Variants in NRXN3 observed in about 807,000 individuals in gnomAD.
NRXN3 encodes neurexin III.
A neutral mutation model predicts 137.6 loss-of-function variants in NRXN3; 32 were observed. The ratio of observed to expected loss-of-function variants is 0.23; its 90% CI spans 0.18 to 0.31. The LOEUF (loss-of-function observed/expected upper bound fraction) is 0.31. Among genes scored for constraint, NRXN3 ranks in the 10% least tolerant of loss-of-function variants. The pLI is 1.00. For missense variants in NRXN3, 1,574 were observed against 2,062.5 expected, an observed-to-expected ratio of 0.76 and a Z score of 4.59; for synonymous variants, 798 against 784.5, an observed-to-expected ratio of 1.02 and a Z score of -0.29.
intron 16 of NRXN3, among the ~76,000 whole-genome samples, chr14:79,485,098 G>A (rs1403425753): frequency 6.6e-6 from 1 of 151,028 alleles, no homozygotes; most frequent in Non-Finnish European, 1.5e-5. Context: ...ATTTTTTTTG[G>A]TTGTTCTCTA....
chr14:78,822,830 C>T (rs1206213451), intron 10 of NRXN3, among the ~76,000 whole-genome samples: 1 of 152,134 alleles, frequency 6.6e-6, no homozygotes, highest in African/African-American at 2.4e-5. Context: ...CATATTGCCT[C>T]TGCCACTTGT....
intron 19 of NRXN3, among the ~76,000 whole-genome samples, chr14:79,791,468 AATTATATATTGTAATAATT>A (rs1186004122): frequency 2.0e-5 from 3 of 146,928 alleles, no homozygotes; most frequent in African/African-American, 7.4e-5. Context: ...TTATAATAAT[AATTATATATTGTAATAATT>A]ATAATTAATT....
At chr14:79,222,836 G>A (rs1035232489) in intron 15 of NRXN3, among the ~76,000 whole-genome samples, 3 of 152,100 alleles carry the variant, frequency 2.0e-5, no homozygotes, top group African/African-American at 7.2e-5. Context: ...TGGGTGAGGT[G>A]TGTGTTCAGA....
intron 15 of NRXN3, among the ~76,000 whole-genome samples, chr14:79,090,071 A>G (rs2048872748): frequency 6.6e-6 from 1 of 152,174 alleles, no homozygotes; most frequent in African/African-American, 2.4e-5. Context: ...TAACATGGAT[A>G]GGTATTTATA....
At chr14:78,374,098 T>C (rs905915389) in intron 4 of NRXN3, among the ~76,000 whole-genome samples, 2 of 152,204 alleles carry the variant, frequency 1.3e-5, no homozygotes, top group African/African-American at 4.8e-5. Flanking sequence ...TTCCCACATA[T>C]AGATACGTGT....
At chr14:78,257,396 A>T (rs186027651) in intron 2 of NRXN3, among the ~76,000 whole-genome samples, 1 of 152,386 alleles carries the variant, frequency 6.6e-6, no homozygotes, top group East Asian at 1.9e-4. Flanking sequence ...CAGGCAAAGA[A>T]GTATATAGCA....
chr14:79,483,639 C>T (rs1208524553), intron 16 of NRXN3, among the ~76,000 whole-genome samples: 1 of 152,164 alleles, frequency 6.6e-6, no homozygotes, highest in Non-Finnish European at 1.5e-5. Flanking sequence ...GTCATAGTGA[C>T]TCCCAAGGAT....
At chr14:79,757,218 G>A (rs1413305963) in intron 19 of NRXN3, among the ~76,000 whole-genome samples, 1 of 152,122 alleles carries the variant, frequency 6.6e-6, no homozygotes, top group Non-Finnish European at 1.5e-5. Context: ...TCTCAGATTA[G>A]CAACAACGTA....
chr14:79,596,891 T>C (rs772010737), intron 16 of NRXN3, among the ~76,000 whole-genome samples: 13 of 152,156 alleles, frequency 8.5e-5, no homozygotes, highest in Non-Finnish European at 1.3e-4. Flanking sequence ...TTGTCCAAGA[T>C]AGCCATGCTC....
intron 15 of NRXN3, among the ~76,000 whole-genome samples, chr14:79,012,045 A>G (rs2099572178): frequency 6.6e-6 from 1 of 152,226 alleles, no homozygotes; most frequent in Non-Finnish European, 1.5e-5. Context: ...TCAAGAAGGA[A>G]TTTTCTAAAA....
intron 15 of NRXN3, among the ~76,000 whole-genome samples, chr14:79,438,170 G>A (rs1420348537): frequency 6.6e-6 from 1 of 152,276 alleles, no homozygotes; most frequent in Non-Finnish European, 1.5e-5. Context: ...CACTTTGCCT[G>A]GGACTGTAGC....
At chr14:78,327,929 G>A (rs2080302112) in intron 4 of NRXN3, among the ~76,000 whole-genome samples, 1 of 151,912 alleles carries the variant, frequency 6.6e-6, no homozygotes, top group African/African-American at 2.4e-5. Flanking sequence ...GCTGCTTCAT[G>A]TCAGTGAGGT....
intron 4 of NRXN3, among the ~76,000 whole-genome samples, chr14:78,475,605 C>T (rs1294391718): frequency 6.6e-6 from 1 of 152,160 alleles, no homozygotes; most frequent in Non-Finnish European, 1.5e-5. Context: ...TTGAATAGAG[C>T]ACAGCCAAAG....
At chr14:79,677,697 G>A (rs1003115615) in intron 17 of NRXN3, among the ~76,000 whole-genome samples, 1 of 152,106 alleles carries the variant, frequency 6.6e-6, no homozygotes, top group South Asian at 2.1e-4. Flanking sequence ...AGGGAATTTT[G>A]GAATACTCTT....
intron 10 of NRXN3, among the ~76,000 whole-genome samples, chr14:78,917,988 G>GAAAAAAAAAAAAAAAAAA (rs71131666): frequency 9.3e-6 from 1 of 107,484 alleles, no homozygotes; most frequent in Non-Finnish European, 2.0e-5. Context: ...ATAAAAAAAT[G>GAAAAAAAAAAAAAAAAAA]AAAAAAAAAA....
chr14:79,479,933 T>C (rs1157006700), intron 16 of NRXN3, among the ~76,000 whole-genome samples: 1 of 152,158 alleles, frequency 6.6e-6, no homozygotes, highest in African/African-American at 2.4e-5. Flanking sequence ...AAAAGATTAT[T>C]GGATAATGCA....
At chr14:78,951,773 A>T (rs1478075759) in intron 10 of NRXN3, among the ~76,000 whole-genome samples, 1 of 152,184 alleles carries the variant, frequency 6.6e-6, no homozygotes, top group Non-Finnish European at 1.5e-5. Context: ...TTGCCTTCTG[A>T]TGCTCAATTA....
intron 16 of NRXN3, among the ~76,000 whole-genome samples, chr14:79,650,750 C>T (rs1284163412): frequency 6.6e-6 from 1 of 152,138 alleles, no homozygotes; most frequent in African/African-American, 2.4e-5. Context: ...TCTACTTACA[C>T]ATCTTATTGA....
At position 78,968,362 on chromosome 14, in the gene NRXN3, T is replaced by G; in HGVS notation, c.3142+16T>G. The G allele has an allele frequency of 6.2e-7, 1 of 1,609,898 alleles. No individual in the cohort carries two copies. Among genetic ancestry groups the G allele is most frequent in the African/African-American group, 1.3e-5 (1 of 74,936 alleles). ...GGCTGTGAAGGTACAACCTATTTTT[T>G]TCTTGTTAAGCTACAGCCTTGTTGC... On this transcript the variant is annotated intron_variant, in intron 14 of 20. Coordinates refer to ENST00000335750, the MANE Select transcript of NRXN3 (RefSeq NM_001330195.2).
Sources: gnomAD v4.1 joint callset for allele counts (sites outside exome capture counted in the v4.1 genomes callset) on GRCh38, gnomAD v4.1.1 for gene constraint, MANE v1.5 for transcripts, NCBI Gene and HGNC (gene_info 2026-07-23, HGNC 2026-07-21) for gene names.